Variants in DNAJC15 observed in about 807,000 individuals in gnomAD.
The protein encoded by DNAJC15 is dnaJ homolog subfamily C member 15.
DNAJC15 carries 27 observed loss-of-function variants against 22.4 expected under a neutral mutation model. That is an observed-to-expected ratio of 1.20 (90% confidence interval 0.89 to 1.66). The LOEUF (loss-of-function observed/expected upper bound fraction) is 1.66, where lower values mean the gene tolerates loss of function less well. Ranked by LOEUF, DNAJC15 falls within the 40% of genes most tolerant of loss-of-function variation. The pLI is 0.00. For synonymous variants in DNAJC15, 79 were observed against 63.2 expected, an observed-to-expected ratio of 1.25 and a Z score of -1.19; for missense variants, 208 against 187.1, an observed-to-expected ratio of 1.11 and a Z score of -0.65.
In DNAJC15 at chr13:43,061,016, A is replaced by T. The variant is rs541092761; in HGVS notation, c.109-4670A>T. 2.4e-3 allele frequency among the ~76,000 whole-genome samples: 365 copies of T among 152,236 alleles called. 4 individuals are homozygous for T. Among genetic ancestry groups the T allele is most frequent in the African/African-American group, 7.5e-3 (311 of 41,554 alleles). ...GTAGGGAAGGGATGGGGCCTGAGAA[A>T]TTCCTGAGGAGTAGCAGAATAGCAG... On this transcript the variant is annotated intron_variant, in intron 1 of 5. Coordinates refer to ENST00000379221, the MANE Select transcript of DNAJC15 (RefSeq NM_013238.3).
intron 5 of DNAJC15, among the ~76,000 whole-genome samples, chr13:43,094,433 C>A (rs898090166): frequency 6.6e-6 from 1 of 152,186 alleles, no homozygotes; most frequent in Non-Finnish European, 1.5e-5. Flanking sequence ...TGTTACGAAG[C>A]CCTCCAGTTG....
intron 1 of DNAJC15, among the ~76,000 whole-genome samples, chr13:43,037,014 G>C (rs1425088409): frequency 6.6e-6 from 1 of 152,164 alleles, no homozygotes; most frequent in African/African-American, 2.4e-5. Context: ...CTGCTCCTGG[G>C]AGCACTGGCT....
In DNAJC15 at chr13:43,029,024, A is replaced by G. The variant is rs574476430; in HGVS notation, c.108+5290A>G. ...ATGATAGCCATTTAATTATTTGTCT[A>G]TGAAATAGCTATTAACTTCTATTAT... On this transcript the variant is annotated intron_variant, in intron 1 of 5. Transcript: ENST00000379221. Among the ~76,000 whole-genome samples, 28 of 152,350 alleles carry G rather than the reference A, an allele frequency of 1.8e-4. No homozygotes were observed. The East Asian group carries it at 5.0e-3, about 27-fold the overall frequency.
intron 2 of DNAJC15, 121 bp downstream of exon 2, chr13:43,065,858 C>T (rs2040581127): frequency 1.3e-6 from 1 of 755,654 alleles, no homozygotes; most frequent in African/African-American, 1.7e-5. Flanking sequence ...AATACATTCT[C>T]ATTCTTTCCA....
At position 43,108,016 on chromosome 13, in the gene DNAJC15, C is replaced by T. The variant is rs2040806342; in HGVS notation, c.*768C>T. The T allele has an allele frequency of 6.6e-6, 1 of 152,548 alleles. No individual in the cohort carries two copies. The highest frequency in any genetic ancestry group is 2.4e-5 in the African/African-American group (1 of 41,426). The allele number at this position is 152,548 out of a possible 1,614,324, so 9.4% of individuals were successfully genotyped here. Reference sequence around the variant, plus strand: ...TGTGCAAGGCACTATCGTGCGTCCCCTGAGAGTTGCAAGTATGAAGCAGTC... The same window carrying T: ...TGTGCAAGGCACTATCGTGCGTCCCTTGAGAGTTGCAAGTATGAAGCAGTC... On this transcript the variant is annotated 3_prime_UTR_variant, in exon 6 of 6. Transcript: ENST00000379221.
intron 5 of DNAJC15, among the ~76,000 whole-genome samples, chr13:43,093,330 A>G (rs1290146578): frequency 1.3e-5 from 2 of 152,202 alleles, no homozygotes; most frequent in African/African-American, 4.8e-5. Context: ...TCAGACCGAA[A>G]AAGACTTTAT....
chr13:43,099,943 G>C (rs1001118271), intron 5 of DNAJC15, among the ~76,000 whole-genome samples: 3 of 151,938 alleles, frequency 2.0e-5, no homozygotes, highest in Admixed American at 1.3e-4. Context: ...TATAATGTAG[G>C]CTTTATAAAA....
intron 1 of DNAJC15, among the ~76,000 whole-genome samples, chr13:43,024,726 T>C (rs2040371736): frequency 6.6e-6 from 1 of 151,704 alleles, no homozygotes. Context: ...TTCTTTAACC[T>C]GATATATGCA....
At chr13:43,087,135 T>C (rs1000814581) in intron 5 of DNAJC15, among the ~76,000 whole-genome samples, 4 of 152,254 alleles carry the variant, frequency 2.6e-5, no homozygotes, top group African/African-American at 9.6e-5. Flanking sequence ...GTACCCTATG[T>C]TTCTGTTCAG....
In DNAJC15 at chr13:43,108,795, A is replaced by G. The variant is rs1223250535; in HGVS notation, c.*1547A>G. On this transcript the variant is annotated 3_prime_UTR_variant, in exon 6 of 6. Coordinates refer to ENST00000379221, the MANE Select transcript of DNAJC15 (RefSeq NM_013238.3). The stretch of plus-strand genomic sequence containing the variant: ...CAGTAATCGCCCCCAGTTGAGAACC[A>G]TTTCAGTAAAACTTTAATTACTATT... The G allele has an allele frequency of 6.6e-6, 1 of 152,192 alleles. No individual in the cohort carries two copies. The highest frequency in any genetic ancestry group is 1.5e-5 in the Non-Finnish European group (1 of 68,034). The allele number at this position is 152,192 out of a possible 1,614,324, so 9.4% of individuals were successfully genotyped here. A position where few individuals can be genotyped will look rare whatever the true frequency, so the allele number is the denominator to read the frequency against.
At chr13:43,084,235 A>G (rs1387729214) in intron 4 of DNAJC15, among the ~76,000 whole-genome samples, 1 of 152,224 alleles carries the variant, frequency 6.6e-6, no homozygotes, top group Non-Finnish European at 1.5e-5. Context: ...TAGGTTATTT[A>G]CACTTTATTT....
chr13:43,068,622 A>AT (rs900629001), intron 2 of DNAJC15, among the ~76,000 whole-genome samples: 8 of 151,810 alleles, frequency 5.3e-5, no homozygotes, highest in Non-Finnish European at 8.9e-5. Flanking sequence ...CTAGGATGTT[A>AT]TTTTTTTTGT....
At chr13:43,043,829 G>A (rs973908136) in intron 1 of DNAJC15, among the ~76,000 whole-genome samples, 2 of 152,012 alleles carry the variant, frequency 1.3e-5, no homozygotes, top group Non-Finnish European at 1.5e-5. Flanking sequence ...TAAGGGTTTC[G>A]TGGGAATTGG....
At chr13:43,035,812 C>G (rs1438424958) in intron 1 of DNAJC15, among the ~76,000 whole-genome samples, 2 of 152,024 alleles carry the variant, frequency 1.3e-5, no homozygotes, top group Non-Finnish European at 1.5e-5. Flanking sequence ...TCTCAATTTC[C>G]CAGGCTGAAG....
At chr13:43,039,826 C>T (rs1229274102) in intron 1 of DNAJC15, among the ~76,000 whole-genome samples, 1 of 152,112 alleles carries the variant, frequency 6.6e-6, no homozygotes, top group Non-Finnish European at 1.5e-5. Flanking sequence ...AATGACCAGC[C>T]TGGCCAATAT....
At chr13:43,076,033 C>T (rs1375352243) in intron 3 of DNAJC15, among the ~76,000 whole-genome samples, 1 of 152,116 alleles carries the variant, frequency 6.6e-6, no homozygotes, top group African/African-American at 2.4e-5. Flanking sequence ...TGCATACTCT[C>T]TATGTATGTT....
intron 5 of DNAJC15, 57 bp from the exon 6 acceptor site, chr13:43,107,121 C>A: frequency 1.4e-6 from 2 of 1,410,302 alleles, no homozygotes; most frequent in Admixed American, 5.3e-5. Context: ...ATTTTGGGGA[C>A]TTTAAAGTAT....
chr13:43,050,761 G>T (rs2153440242), intron 1 of DNAJC15, among the ~76,000 whole-genome samples: 1 of 152,182 alleles, frequency 6.6e-6, no homozygotes, highest in East Asian at 1.9e-4. Flanking sequence ...GAATTTTTAA[G>T]ATTTAAAAAA....
rs1315372457 is a variant in DNAJC15, at chr13:43,107,319, C to G, written c.*71C>G. 1 of 1,303,654 alleles carries G rather than the reference C, an allele frequency of 7.7e-7. No homozygotes were observed. The allele number at this position is 1,303,654 out of a possible 1,614,324, so 80.8% of individuals were successfully genotyped here. The stretch of plus-strand genomic sequence containing the variant: ...AAAAAAAAAAGCCCTGCAAAATATT[C>G]TAAAACATGGTCTTCTTAATTTTCT... On this transcript the variant is annotated 3_prime_UTR_variant, in exon 6 of 6. Transcript: ENST00000379221.
Sources: gnomAD v4.1 joint callset for allele counts (sites outside exome capture counted in the v4.1 genomes callset) on GRCh38, gnomAD v4.1.1 for gene constraint, MANE v1.5 for transcripts, NCBI Gene and HGNC (gene_info 2026-07-23, HGNC 2026-07-21) for gene names.